The following SLC14A1 variants were observed in gnomAD, a reference collection of about 807,000 sequenced individuals.
The protein encoded by SLC14A1 is urea transporter 1.
Under a neutral mutation model 39.6 loss-of-function variants are expected in SLC14A1, and 36 were observed. That is an observed-to-expected ratio of 0.91 (90% confidence interval 0.70 to 1.20). The LOEUF (loss-of-function observed/expected upper bound fraction) is 1.20, where lower values mean the gene tolerates loss of function less well. Ranked by LOEUF, SLC14A1 falls within the 50% of genes most tolerant of loss-of-function variation. The probability of loss-of-function intolerance (pLI) is 0.00; values close to 1 mark genes in which losing one functional copy is unlikely to be tolerated. For missense variants in SLC14A1, 469 were observed against 478.7 expected, an observed-to-expected ratio of 0.98 and a Z score of 0.19; for synonymous variants, 164 against 173.6, an observed-to-expected ratio of 0.94 and a Z score of 0.43.
intron 6 of SLC14A1, among the ~76,000 whole-genome samples, chr18:45,737,953 G>A (rs563924584): frequency 1.3e-5 from 2 of 152,234 alleles, no homozygotes; most frequent in South Asian, 2.1e-4. Context: ...CAACCCTATG[G>A]CTACCTGAGA....
intron 7 of SLC14A1, 59 bp downstream of exon 7, chr18:45,739,369 A>C: frequency 6.2e-7 from 1 of 1,612,428 alleles, no homozygotes; most frequent in Non-Finnish European, 8.5e-7. Flanking sequence ...GCATTGCCTC[A>C]GGCATCTTCT....
At chr18:45,742,774 T>C (rs539908551) in intron 8 of SLC14A1, among the ~76,000 whole-genome samples, 1 of 148,530 alleles carries the variant, frequency 6.7e-6, no homozygotes, top group East Asian at 2.0e-4. Context: ...GCCTCCCGGG[T>C]CCCGGTTCAA....
At chr18:45,733,851 T>A (rs2047102690) in intron 4 of SLC14A1, among the ~76,000 whole-genome samples, 1 of 152,194 alleles carries the variant, frequency 6.6e-6, no homozygotes, top group South Asian at 2.1e-4. Context: ...TCCTGTCAGA[T>A]CAGCAGAAGC....
chr18:45,727,419 G>A, intron 2 of SLC14A1: 1 of 1,539,500 alleles, frequency 6.5e-7, no homozygotes, highest in Non-Finnish European at 8.8e-7. Flanking sequence ...GCAGGAACAG[G>A]TATGCTTCCT....
Position 45,736,452 on chromosome 18 carries a change from T to C in SLC14A1, c.471-4T>C. Reference sequence around the variant, plus strand: ...CACATTCTTTTGCTCTGTTCTTTTTTTAGCCCAATTTTCTCAAGTGCATTG... The same window carrying C: ...CACATTCTTTTGCTCTGTTCTTTTTCTAGCCCAATTTTCTCAAGTGCATTG... On this transcript the variant is annotated splice_region_variant and splice_polypyrimidine_tract_variant and intron_variant, in intron 5 of 9. Coordinates refer to ENST00000321925, the MANE Select transcript of SLC14A1 (RefSeq NM_015865.7). 6.2e-7 allele frequency: 1 copy of C among 1,614,166 alleles called. No individual in the cohort carries two copies. The highest frequency in any genetic ancestry group is 1.1e-5 in the South Asian group (1 of 91,084).
At chr18:45,727,399 C>T in intron 2 of SLC14A1, 1 of 1,549,222 alleles carries the variant, frequency 6.5e-7, no homozygotes, top group African/African-American at 1.4e-5. Flanking sequence ...TTGGCCCTGG[C>T]AGATGGGTCG....
chr18:45,728,075 T>C (rs1436793084), intron 2 of SLC14A1, among the ~76,000 whole-genome samples: 4 of 152,184 alleles, frequency 2.6e-5, no homozygotes, highest in African/African-American at 9.7e-5. Flanking sequence ...CCCATCCCAA[T>C]TATGTTGAAA....
intron 4 of SLC14A1, 87 bp downstream of exon 4, chr18:45,731,291 T>A (rs2047023298): frequency 7.9e-7 from 1 of 1,269,282 alleles, no homozygotes; most frequent in Admixed American, 1.7e-5. Context: ...TAAAACCACA[T>A]CCTTCCCAGG....
intron 8 of SLC14A1, among the ~76,000 whole-genome samples, chr18:45,744,745 A>C (rs2047494233): frequency 1.3e-5 from 2 of 152,114 alleles, no homozygotes; most frequent in African/African-American, 2.4e-5. Context: ...AAATCTTTTC[A>C]ATTTTTCCCC....
chr18:45,739,266 T>C lies in SLC14A1; in HGVS notation c.767T>C (p.Met256Thr). Residue 256 changes from methionine to threonine, a missense_variant, in exon 7 of 10, where the codon ATG (methionine) becomes ACG (threonine). Met to Thr is a moderately conservative substitution (Grantham distance 81). Transcript: ENST00000321925. ...GCCATCCTACTCTCCTCCCCACTCA[T>C]GTGCCTGCATGCTGCCATAGGATCA... is the stretch of plus-strand genomic sequence containing the variant. ...LGAILLSSPL[M>T]CLHAAIGSLL... is the part of the protein sequence containing the mutation. The C allele has an allele frequency of 6.2e-7, 1 of 1,614,188 alleles. No homozygotes were observed.
chr18:45,732,825 A>G (rs9946832), intron 4 of SLC14A1, among the ~76,000 whole-genome samples: 64,648 of 152,048 alleles, frequency 0.43, 14,516 homozygotes, highest in East Asian at 0.52. Flanking sequence ...AGCTGTGGGA[A>G]TCCTGCCTTG....
Position 45,749,065 on chromosome 18 carries a change from C to T in SLC14A1, c.996+640C>T, listed in dbSNP as rs558802719. 1.4e-4 allele frequency among the ~76,000 whole-genome samples: 21 copies of T among 152,200 alleles called. No homozygotes were observed. The East Asian group carries it at 1.9e-3, about 14-fold the overall frequency. On this transcript the variant is annotated intron_variant, in intron 9 of 9. Transcript: ENST00000321925. ...TGCACACCAGAGTCAGCTAGGAAGA[C>T]AGAAAAATATGGAGCCTTAGGCCCT...
rs772654960 is a variant in SLC14A1 at position 45,734,337 on chromosome 18, C to G, written c.405C>G (p.Val135=). The change falls in exon 5 of 10, where the codon GTC becomes GTG. Residue 135 remains valine, a synonymous_variant. Transcript: ENST00000321925. ...CCCTGGTGGGAGTACTCATGGCTGT[C>G]TTTTCGGACAAGGGAGACTATTTCT... ...NATLVGVLMA[V]FSDKGDYFWW... is the part of the protein sequence containing the mutation. 6.2e-7 allele frequency: 1 copy of G among 1,613,802 alleles called. No homozygotes were observed. The highest frequency in any genetic ancestry group is 1.1e-5 in the South Asian group (1 of 91,058).
chr18:45,751,520 G>A lies in SLC14A1; in HGVS notation c.*1569G>A. ...CACGTTCAGGGACTGGCTCACACCTGTAATCCCAGCACTTTGGGAGATGGA... is the reference window on the plus strand; with the variant it reads ...CACGTTCAGGGACTGGCTCACACCTATAATCCCAGCACTTTGGGAGATGGA... On this transcript the variant is annotated 3_prime_UTR_variant, in exon 10 of 10. Transcript: ENST00000321925. 1.0e-6 allele frequency: 1 copy of A among 984,988 alleles called. No individual in the cohort carries two copies. Among genetic ancestry groups the A allele is most frequent in the Non-Finnish European group, 1.2e-6 (1 of 829,748 alleles). 61.0% of individuals were successfully genotyped at this position (984,988 alleles called of 1,614,324 possible).
intron 2 of SLC14A1, 115 bp downstream of exon 2, chr18:45,725,128 T>C (rs2046829283): frequency 6.6e-6 from 1 of 152,236 alleles, no homozygotes; most frequent in Non-Finnish European, 1.5e-5. Context: ...TTAAAAGTAA[T>C]AGCTGAAGCA....
intron 5 of SLC14A1, 132 bp from the exon 6 acceptor site, chr18:45,736,323 CT>C (rs2144785578): frequency 1.3e-6 from 1 of 798,980 alleles, no homozygotes. Context: ...AGTTTTCTTT[CT>C]GTGGCAAATG....
In SLC14A1 at chr18:45,752,003, G is replaced by A. The variant is rs940539144; in HGVS notation, c.*2052G>A. The A allele has an allele frequency of 7.1e-6, 7 of 985,208 alleles. No individual in the cohort carries two copies. In the Admixed American group the frequency reaches 2.5e-4, roughly 35 times the overall value. The allele number at this position is 985,208 out of a possible 1,614,324, so 61.0% of individuals were successfully genotyped here. The stretch of plus-strand genomic sequence containing the variant: ...GAAGTAAACCTACAAATATTTTAGG[G>A]AGAAGCTCACTTCTTCCTTTTCTCA... On this transcript the variant is annotated 3_prime_UTR_variant, in exon 10 of 10. Transcript: ENST00000321925.
intron 2 of SLC14A1, chr18:45,727,261 A>C: frequency 6.4e-7 from 1 of 1,551,554 alleles, no homozygotes; most frequent in Non-Finnish European, 8.7e-7. Context: ...ATGTATTGAG[A>C]AAAAGTAAGG....
chr18:45,742,020 CAG>C (rs2047390711), intron 8 of SLC14A1, among the ~76,000 whole-genome samples: 4 of 152,148 alleles, frequency 2.6e-5, no homozygotes, highest in South Asian at 4.1e-4. Context: ...AGTTCCTGCA[CAG>C]AGTGTTACAA....
Sources: allele counts gnomAD v4.1 joint callset (sites outside exome capture counted in the v4.1 genomes callset), GRCh38; gene constraint gnomAD v4.1.1; transcripts MANE v1.5; gene names NCBI Gene and HGNC (gene_info 2026-07-23, HGNC 2026-07-21).